Variants in KANSL2 observed in about 807,000 individuals in gnomAD.
KANSL2 encodes the protein KAT8 regulatory NSL complex subunit 2.
Under a neutral mutation model 55.6 loss-of-function variants are expected in KANSL2, and 34 were observed. That is an observed-to-expected ratio of 0.61 (90% CI 0.46 to 0.81). KANSL2 has a LOEUF of 0.81. Among genes scored for constraint, KANSL2 ranks in the 40% least tolerant of loss-of-function variants. The pLI is 0.00. For synonymous variants in KANSL2, 209 were observed against 214.3 expected, an observed-to-expected ratio of 0.98 and a Z score of 0.22; for missense variants, 502 against 609.9, an observed-to-expected ratio of 0.82 and a Z score of 1.86.
At chr12:48,654,384 T>G (rs1293746388) in intron 9 of KANSL2, 1 of 776,826 alleles carries the variant, frequency 1.3e-6, no homozygotes, top group Non-Finnish European at 2.4e-6. Context: ...GAGCTGTAGG[T>G]TGTTTCTTCC....
At chr12:48,682,084 C>T (rs1939940029) in intron 1 of KANSL2, 103 bp downstream of exon 1, 2 of 703,042 alleles carry the variant, frequency 2.8e-6, no homozygotes, top group African/African-American at 3.5e-5. Flanking sequence ...AGGAGACTGA[C>T]TCTGACACTG....
rs536980719 is a variant in KANSL2 at position 48,662,892 on chromosome 12, C to CA, written c.974-2274dup. 1.0e-3 allele frequency among the ~76,000 whole-genome samples: 152 copies of CA among 151,988 alleles called. 2 individuals are homozygous for CA. Among genetic ancestry groups the CA allele is most frequent in the African/African-American group, 3.5e-3 (143 of 41,438 alleles). On this transcript the variant is annotated intron_variant, in intron 7 of 9. Transcript: ENST00000420613. ...GTAATTCATGCTCGCCTTAAAAAAA[C>CA]AAAAAATAAAAGAACAGTGAAAAAA...
chr12:48,659,947 T>A (rs2137178815), intron 8 of KANSL2, among the ~76,000 whole-genome samples: 1 of 152,120 alleles, frequency 6.6e-6, no homozygotes, highest in South Asian at 2.1e-4. Flanking sequence ...ATAAGCAAAA[T>A]CAGAGACAAA....
intron 4 of KANSL2, among the ~76,000 whole-genome samples, chr12:48,672,428 TATA>T (rs1442980825): frequency 1.2e-4 from 15 of 126,286 alleles, no homozygotes; most frequent in African/African-American, 3.3e-4. Context: ...TATATATATA[TATA>T]TATTTTTTTT....
At position 48,654,412 on chromosome 12, in the gene KANSL2, C is replaced by T. The variant is rs532010217; in HGVS notation, c.1348-237G>A. The T allele has an allele frequency of 1.5e-5, 11 of 742,982 alleles. No homozygotes were observed. The South Asian group carries it at 1.5e-4, about 10-fold the overall frequency. 46.0% of individuals were successfully genotyped at this position (742,982 alleles called of 1,614,324 possible). A position where few individuals can be genotyped will look rare whatever the true frequency, so the allele number is the denominator to read the frequency against. ...TTTCTTCCAAATGAAATAGCCATTC[C>T]CTACTGAGGTCCCAGAACAGCCAAC... On this transcript the variant is annotated intron_variant, in intron 9 of 9. Coordinates refer to ENST00000420613, the MANE Select transcript of KANSL2 (RefSeq NM_017822.4).
In KANSL2 at chr12:48,682,187, C is replaced by T. The variant is rs1469555930; in HGVS notation, c.-10G>A. 1 of 689,098 alleles carries T rather than the reference C, an allele frequency of 1.5e-6. No individual in the cohort carries two copies. The highest frequency in any genetic ancestry group is 2.6e-6 in the Non-Finnish European group (1 of 377,550). 42.7% of individuals were successfully genotyped at this position (689,098 alleles called of 1,614,324 possible). A position where few individuals can be genotyped will look rare whatever the true frequency, so the allele number is the denominator to read the frequency against. ...AGAGGAAAGAGCACCGCCATCTTAC[C>T]TCAGGAGCTGCGCTGCGCCGCACTC... On this transcript the variant is annotated splice_region_variant and 5_prime_UTR_variant, in exon 1 of 10. Transcript: ENST00000420613.
Position 48,653,927 on chromosome 12 carries a change from A to G in KANSL2, c.*117T>C. 8.7e-7 allele frequency: 1 copy of G among 1,149,656 alleles called. No individual in the cohort carries two copies. Among genetic ancestry groups the G allele is most frequent in the Non-Finnish European group, 1.2e-6 (1 of 834,564 alleles). 71.2% of individuals were successfully genotyped at this position (1,149,656 alleles called of 1,614,324 possible). A position where few individuals can be genotyped will look rare whatever the true frequency, so the allele number is the denominator to read the frequency against. Reference sequence around the variant, plus strand: ...GCTTTACGTTTGACTATAATACTCAATCCAGAAGAAAAACAAGGTAGTCTG... The same window carrying G: ...GCTTTACGTTTGACTATAATACTCAGTCCAGAAGAAAAACAAGGTAGTCTG... On this transcript the variant is annotated 3_prime_UTR_variant, in exon 10 of 10. Transcript: ENST00000420613.
Position 48,682,001 on chromosome 12 carries a change from G to A in KANSL2, c.-10+186C>T, listed in dbSNP as rs547863175. On this transcript the variant is annotated intron_variant, in intron 1 of 9. Transcript: ENST00000420613. ...GAGCGCACGACTGGGCCTGGCCTCGGAAGCCTATGCGAGCGCCATTTTGTC... is the reference window on the plus strand; with the variant it reads ...GAGCGCACGACTGGGCCTGGCCTCGAAAGCCTATGCGAGCGCCATTTTGTC... 67 of 703,018 alleles carry A rather than the reference G, an allele frequency of 9.5e-5. No homozygotes were observed. In the African/African-American group the frequency reaches 1.1e-3, roughly 12 times the overall value. The allele number at this position is 703,018 out of a possible 1,614,324, so 43.5% of individuals were successfully genotyped here.
intron 7 of KANSL2, chr12:48,661,061 A>G (rs1454497222): frequency 2.3e-5 from 5 of 219,564 alleles, no homozygotes; most frequent in Non-Finnish European, 3.9e-5. Context: ...AAAGTTTGCA[A>G]CAATTTCTTG....
intron 7 of KANSL2, among the ~76,000 whole-genome samples, chr12:48,663,382 T>C (rs1470641906): frequency 1.3e-5 from 2 of 152,226 alleles, no homozygotes; most frequent in African/African-American, 4.8e-5. Flanking sequence ...TGAAAAATTG[T>C]ATATTTTAAA....
intron 2 of KANSL2, chr12:48,680,077 A>ATTGG (rs1939892531): frequency 2.3e-6 from 1 of 437,930 alleles, no homozygotes; most frequent in Non-Finnish European, 4.2e-6. Context: ...GGCTGAGGCA[A>ATTGG]GGGATTGGGT....
intron 4 of KANSL2, among the ~76,000 whole-genome samples, chr12:48,675,058 C>T (rs1939795662): frequency 6.8e-6 from 1 of 148,044 alleles, no homozygotes; most frequent in Non-Finnish European, 1.5e-5. Flanking sequence ...ACAGAAATGA[C>T]AAAAGCTAAC....
chr12:48,654,473 G>C, intron 9 of KANSL2: 2 of 661,182 alleles, frequency 3.0e-6, no homozygotes, highest in East Asian at 3.4e-5. Flanking sequence ...GCCTCTGCTT[G>C]AAACCAACAG....
intron 7 of KANSL2, among the ~76,000 whole-genome samples, chr12:48,666,172 C>G (rs1425795014): frequency 1.3e-5 from 2 of 152,134 alleles, no homozygotes; most frequent in Non-Finnish European, 2.9e-5. Context: ...CATCATGCCA[C>G]TGCACTCCAA....
chr12:48,669,407 C>T, intron 5 of KANSL2, 135 bp from the exon 6 acceptor site: 4 of 628,272 alleles, frequency 6.4e-6, no homozygotes, highest in Non-Finnish European at 1.1e-5. Context: ...AATCCAGGTA[C>T]CAAGACAGAA....
In KANSL2 at chr12:48,681,365, T is replaced by TA. The variant is rs1565610981; in HGVS notation, c.251+16dup. 1 of 1,595,522 alleles carries TA rather than the reference T, an allele frequency of 6.3e-7. No individual in the cohort carries two copies. Among genetic ancestry groups the TA allele is most frequent in the East Asian group, 2.2e-5 (1 of 44,740 alleles). On this transcript the variant is annotated intron_variant, in intron 2 of 9. Coordinates refer to ENST00000420613, the MANE Select transcript of KANSL2 (RefSeq NM_017822.4). Reference sequence around the variant, plus strand: ...CTCGCTTTAAGAAAAACGACATATATATCTATACATATATACCCATCTTTC... The same window carrying TA: ...CTCGCTTTAAGAAAAACGACATATATAATCTATACATATATACCCATCTTTC...
intron 4 of KANSL2, among the ~76,000 whole-genome samples, chr12:48,678,532 GAC>G (rs1282516781): frequency 6.6e-6 from 1 of 152,016 alleles, no homozygotes; most frequent in African/African-American, 2.4e-5. Context: ...ATTTGATCAT[GAC>G]ACAAGGTTTA....
At chr12:48,673,433 G>A (rs900069623) in intron 4 of KANSL2, among the ~76,000 whole-genome samples, 1 of 151,830 alleles carries the variant, frequency 6.6e-6, no homozygotes, top group South Asian at 2.1e-4. Flanking sequence ...GGTGGTGGGC[G>A]CCTATAATCC....
intron 7 of KANSL2, among the ~76,000 whole-genome samples, chr12:48,666,173 T>C (rs1415923032): frequency 6.6e-6 from 1 of 152,076 alleles, no homozygotes; most frequent in Non-Finnish European, 1.5e-5. Context: ...ATCATGCCAC[T>C]GCACTCCAAC....
Sources: gnomAD v4.1 joint callset for allele counts (sites outside exome capture counted in the v4.1 genomes callset) on GRCh38, gnomAD v4.1.1 for gene constraint, MANE v1.5 for transcripts, NCBI Gene and HGNC (gene_info 2026-07-23, HGNC 2026-07-21) for gene names.